Variants in UGT2B17 observed in about 807,000 individuals in gnomAD.
The protein encoded by UGT2B17 is UDP-glucuronosyltransferase 2B17.
UGT2B17 carries 21 observed loss-of-function variants against 48.2 expected under a neutral mutation model. The observed-to-expected ratio is 0.44, with a 90% CI of 0.31 to 0.63. UGT2B17 has a LOEUF of 0.63. UGT2B17 is among the 20% of genes least tolerant of loss of function. UGT2B17 has a pLI of 0.08. For missense variants in UGT2B17, 402 were observed against 696.1 expected (o/e 0.58, Z 4.75); for synonymous variants, 146 against 238.4 (o/e 0.61, Z 3.57).
intron 1 of UGT2B17, among the ~76,000 whole-genome samples, chr4:68,570,558 C>T (rs1240021430): frequency 1.6e-5 from 2 of 125,878 alleles, no homozygotes; most frequent in African/African-American, 2.7e-5. Flanking sequence ...TTCCTTCATT[C>T]CCCCCTTTTG....
In UGT2B17 at chr4:68,547,819, G is replaced by T. The variant is rs1445271168; in HGVS notation, c.1313+2858C>A. On this transcript the variant is annotated intron_variant, in intron 6 of 6. Transcript: ENST00000317746. ...ACATTTAGGCAGCCAAAAGACATAT[G>T]AAAAAATGCTCATCATCGCTGGCCA... Among the ~76,000 whole-genome samples, 2 of 126,648 alleles carry T rather than the reference G, an allele frequency of 1.6e-5. 1 individual carries two copies. The allele number at this position is 126,648 out of a possible 152,430, so 83.1% of individuals were successfully genotyped here. A position where few individuals can be genotyped will look rare whatever the true frequency, so the allele number is the denominator to read the frequency against.
intron 1 of UGT2B17, among the ~76,000 whole-genome samples, chr4:68,571,683 T>G (rs1399739876): frequency 7.9e-6 from 1 of 126,494 alleles, no homozygotes; most frequent in Non-Finnish European, 1.7e-5. Context: ...AATGGGTCTG[T>G]AGGAACTAAT....
chr4:68,574,955 T>C lies in UGT2B17; in HGVS notation c.-65+996A>G, dbSNP rs1184057529. ...CATAAATTTTACCTCCTCCCCCCCC[T>C]TTTTTTTTTGAAGATAACCATTCCT... On this transcript the variant is annotated intron_variant, in intron 1 of 6. Transcript: ENST00000317746. Among the ~76,000 whole-genome samples the C allele has an allele frequency of 8.3e-5, 3 of 36,090 alleles. 1 individual carries two copies. The highest frequency in any genetic ancestry group is 0.027 in the East Asian group (2 of 74). The allele number at this position is 36,090 out of a possible 152,430, so 23.7% of individuals were successfully genotyped here.
chr4:68,538,960 C>T (rs550421107), intron 6 of UGT2B17, among the ~76,000 whole-genome samples: 1 of 125,840 alleles, frequency 7.9e-6, no homozygotes, highest in Non-Finnish European at 1.7e-5. Flanking sequence ...TTGAGGCTTC[C>T]CCTTAAATGA....
intron 2 of UGT2B17, among the ~76,000 whole-genome samples, 189 bp from the exon 3 acceptor site, chr4:68,565,909 T>G (rs1278922757): frequency 8.4e-6 from 1 of 119,760 alleles, no homozygotes; most frequent in African/African-American, 2.8e-5. Flanking sequence ...ATACATTATA[T>G]TAAATTAATG....
In UGT2B17 at chr4:68,565,628, G is replaced by T. The variant is rs1731184025; in HGVS notation, c.817C>A (p.Pro273Thr). The stretch of plus-strand genomic sequence containing the variant: ...AGTCCTCCAACAAAATCAACATTTG[G>T]TAAGAATGGGCGAGGAAATTCAAAA... ...WDFEFPRPFL[P>T]NVDFVGGLHC... The change falls in exon 3 of 7, where the codon CCA becomes ACA. Residue 273 changes from proline to threonine, a missense_variant. Coordinates refer to ENST00000317746, the MANE Select transcript of UGT2B17 (RefSeq NM_001077.4). The T allele has an allele frequency of 1.5e-6, 2 of 1,370,310 alleles. 1 individual carries two copies. Among genetic ancestry groups the T allele is most frequent in the South Asian group, 3.4e-5 (2 of 58,726 alleles). The allele number at this position is 1,370,310 out of a possible 1,614,324, so 84.9% of individuals were successfully genotyped here.
chr4:68,550,937 G>A, intron 5 of UGT2B17, 41 bp from the exon 6 acceptor site: 1 of 1,313,946 alleles, frequency 7.6e-7, no homozygotes, highest in Non-Finnish European at 9.9e-7. Flanking sequence ...TAATTATAAG[G>A]CACAGGAATT....
chr4:68,553,200 T>G lies in UGT2B17; in HGVS notation c.1006-1289A>C, dbSNP rs1277323039. Among the ~76,000 whole-genome samples, 2 of 126,034 alleles carry G rather than the reference T, an allele frequency of 1.6e-5. 1 individual carries two copies. The highest frequency in any genetic ancestry group is 5.4e-5 in the African/African-American group (2 of 36,918). The allele number at this position is 126,034 out of a possible 152,430, so 82.7% of individuals were successfully genotyped here. A position where few individuals can be genotyped will look rare whatever the true frequency, so the allele number is the denominator to read the frequency against. On this transcript the variant is annotated intron_variant, in intron 4 of 6. Transcript: ENST00000317746. ...TTTACCTGACTTGATCATATCTGAG[T>G]GAGAATTCCAAATTGTGGGTAACAA...
chr4:68,547,306 C>G (rs1264224615), intron 6 of UGT2B17, among the ~76,000 whole-genome samples: 4 of 125,540 alleles, frequency 3.2e-5, no homozygotes, highest in Non-Finnish European at 5.1e-5. Context: ...ACAAACCTTA[C>G]AAAAACAAGA....
chr4:68,574,420 C>A lies in UGT2B17; in HGVS notation c.-65+1531G>T, dbSNP rs550670157. ...TGACCATAAGGTAAGATTTTATAGA[C>A]TCTGTTTAACCTTTTACAATTTTTG... On this transcript the variant is annotated intron_variant, in intron 1 of 6. Transcript: ENST00000317746. Among the ~76,000 whole-genome samples the A allele has an allele frequency of 1.6e-5, 2 of 126,470 alleles. 1 individual carries two copies. The highest frequency in any genetic ancestry group is 7.0e-4 in the South Asian group (2 of 2,876). The allele number at this position is 126,470 out of a possible 152,430, so 83.0% of individuals were successfully genotyped here.
chr4:68,567,682 C>G, intron 2 of UGT2B17, 79 bp downstream of exon 2: 1 of 993,946 alleles, frequency 1.0e-6, no homozygotes, highest in South Asian at 2.8e-5. Flanking sequence ...TATCTTCTGA[C>G]ATTATATTTA....
At chr4:68,549,187 A>G (rs1730872040) in intron 6 of UGT2B17, among the ~76,000 whole-genome samples, 1 of 124,220 alleles carries the variant, frequency 8.1e-6, no homozygotes, top group South Asian at 3.8e-4. Flanking sequence ...ACCACCTTAC[A>G]TCATAATAAT....
At chr4:68,563,728 C>A (rs1320159179) in intron 3 of UGT2B17, among the ~76,000 whole-genome samples, 2 of 126,058 alleles carry the variant, frequency 1.6e-5, no homozygotes, top group Non-Finnish European at 3.4e-5. Context: ...CACAGAATTA[C>A]CTTTTAAGCT....
intron 6 of UGT2B17, among the ~76,000 whole-genome samples, chr4:68,542,889 G>T (rs759847352): frequency 2.4e-5 from 3 of 127,008 alleles, no homozygotes; most frequent in African/African-American, 5.4e-5. Flanking sequence ...CAGTGAGACT[G>T]GGGGAGGGGC....
At chr4:68,564,286 A>ATT (rs1731154040) in intron 3 of UGT2B17, among the ~76,000 whole-genome samples, 1 of 87,116 alleles carries the variant, frequency 1.1e-5, no homozygotes, top group African/African-American at 6.8e-5. Flanking sequence ...ATATATATAT[A>ATT]TATATATATT....
At chr4:68,572,971 T>C (rs1423156696) in intron 1 of UGT2B17, among the ~76,000 whole-genome samples, 2 of 126,760 alleles carry the variant, frequency 1.6e-5, no homozygotes. Flanking sequence ...ATAATAGGAG[T>C]AAGATAGTGA....
chr4:68,563,293 A>T (rs1327273685), intron 3 of UGT2B17, among the ~76,000 whole-genome samples: 1 of 127,340 alleles, frequency 7.9e-6, no homozygotes, highest in Non-Finnish European at 1.7e-5. Context: ...ACTTAGATTC[A>T]AGTCTACCTT....
At chr4:68,542,835 C>T (rs7440213) in intron 6 of UGT2B17, among the ~76,000 whole-genome samples, 1,588 of 127,036 alleles carry the variant, frequency 0.013, 314 homozygotes, top group African/African-American at 0.04. Context: ...CACGGAGCCT[C>T]GCTCATTGCT....
At chr4:68,545,139 C>A (rs1359400501) in intron 6 of UGT2B17, among the ~76,000 whole-genome samples, 1 of 125,982 alleles carries the variant, frequency 7.9e-6, no homozygotes, top group Non-Finnish European at 1.7e-5. Flanking sequence ...CAGCACCACA[C>A]CACACCAACT....
Sources: allele counts gnomAD v4.1 joint callset (sites outside exome capture counted in the v4.1 genomes callset), GRCh38; gene constraint gnomAD v4.1.1; transcripts MANE v1.5; gene names NCBI Gene and HGNC (gene_info 2026-07-23, HGNC 2026-07-21).